The following AFF2 variants were observed in gnomAD, a reference collection of about 807,000 sequenced individuals.
The protein encoded by AFF2 is ALF transcription elongation factor 2, also known as AF4/FMR2 family member 2.
AFF2 carries 14 observed loss-of-function variants against 76.9 expected under a neutral mutation model. The observed-to-expected ratio is 0.18, with a 90% CI of 0.12 to 0.28. The LOEUF is 0.28. AFF2 is among the 10% of genes least tolerant of loss of function. The pLI is 1.00. For missense variants in AFF2, 868 were observed against 1,001.1 expected (o/e 0.87, Z 1.79); for synonymous variants, 398 against 366.7 (o/e 1.09, Z -0.98).
intron 1 of AFF2, among the ~76,000 whole-genome samples, chrX:148,590,392 G>A (rs2053512273): frequency 9.0e-6 from 1 of 111,264 alleles, no homozygotes; most frequent in South Asian, 3.9e-4. Context: ...CACCTACCTA[G>A]ACCTTGCTTC....
At chrX:148,952,469 CAT>C (rs1460796847) in intron 9 of AFF2, among the ~76,000 whole-genome samples, 6 of 111,624 alleles carry the variant, frequency 5.4e-5, no homozygotes, top group Non-Finnish European at 1.1e-4. Flanking sequence ...CTCCCCTCCC[CAT>C]GAGCTAAACT....
At chrX:148,747,149 G>A in intron 3 of AFF2, among the ~76,000 whole-genome samples, 1 of 111,593 alleles carries the variant, frequency 9.0e-6, no homozygotes, top group East Asian at 2.8e-4. Context: ...GACTCCTCAT[G>A]AACTCCTATT....
chrX:148,948,200 T>C (rs1557286291), intron 9 of AFF2, among the ~76,000 whole-genome samples: 1 of 112,179 alleles, frequency 8.9e-6, no homozygotes, highest in Non-Finnish European at 1.9e-5. Flanking sequence ...TTAATCTGAA[T>C]TAGTAAAAAG....
intron 3 of AFF2, among the ~76,000 whole-genome samples, chrX:148,707,534 G>A (rs1470719641): frequency 1.8e-5 from 2 of 109,292 alleles, no homozygotes; most frequent in East Asian, 2.9e-4. Flanking sequence ...GGGAAGGAAG[G>A]TGGTTTACAT....
chrX:148,977,695 A>C (rs1243850626), intron 16 of AFF2, among the ~76,000 whole-genome samples: 1 of 109,290 alleles, frequency 9.1e-6, no homozygotes, highest in Non-Finnish European at 1.9e-5. Context: ...AAGGCTCATG[A>C]TTTCACTGCT....
At chrX:148,544,317 T>C (rs1203246130) in intron 1 of AFF2, among the ~76,000 whole-genome samples, 3 of 112,575 alleles carry the variant, frequency 2.7e-5, no homozygotes, top group Non-Finnish European at 5.6e-5. Flanking sequence ...CTTTCCTATA[T>C]ACCCATGACT....
intron 20 of AFF2, 148 bp downstream of exon 20, chrX:148,987,705 G>A (rs1557291772): frequency 2.0e-6 from 1 of 488,269 alleles, no homozygotes; most frequent in African/African-American, 2.4e-5. Flanking sequence ...GTTCGCTCAG[G>A]GCTGACACAG....
chrX:148,581,221 A>ATACGTATACACAC (rs1557244664), intron 1 of AFF2, among the ~76,000 whole-genome samples: 7 of 22,313 alleles, frequency 3.1e-4, no homozygotes, highest in African/African-American at 1.5e-3. Context: ...ACACATATAT[A>ATACGTATACACAC]ATATACGTAT....
chrX:148,652,989 A>G (rs2054216961), intron 2 of AFF2, among the ~76,000 whole-genome samples: 1 of 112,036 alleles, frequency 8.9e-6, no homozygotes, highest in Non-Finnish European at 1.9e-5. Flanking sequence ...CCTTTAAGGG[A>G]CAGTGACTTC....
intron 9 of AFF2, among the ~76,000 whole-genome samples, chrX:148,939,988 C>T (rs1402662905): frequency 2.7e-5 from 3 of 112,000 alleles, no homozygotes; most frequent in Non-Finnish European, 3.8e-5. Flanking sequence ...AACATTTTGG[C>T]ATATAACCTT....
intron 1 of AFF2, among the ~76,000 whole-genome samples, chrX:148,628,109 G>T (rs1285826418): frequency 9.0e-6 from 1 of 111,348 alleles, no homozygotes; most frequent in Admixed American, 9.5e-5. Flanking sequence ...TTCAGAGCTG[G>T]TGAGGCCCAT....
At chrX:148,794,624 T>A (rs1376973483) in intron 3 of AFF2, among the ~76,000 whole-genome samples, 1 of 112,197 alleles carries the variant, frequency 8.9e-6, no homozygotes, top group Non-Finnish European at 1.9e-5. Flanking sequence ...AAGATCTTCT[T>A]CACTTTCAAG....
Position 148,739,082 on chromosome X carries a change from C to T in AFF2, c.1042-70794C>T, listed in dbSNP as rs2055319682. Among the ~76,000 whole-genome samples, 3 of 111,602 alleles carry T rather than the reference C, an allele frequency of 2.7e-5. No homozygotes were observed. The South Asian group carries it at 1.1e-3, about 42-fold the overall frequency. ...CTTCCATGCACTGTTGAATAGAATG[C>T]GTATTCTACAGTTGTTGGATGAAAT... On this transcript the variant is annotated intron_variant, in intron 3 of 20. Transcript: ENST00000370460.
intron 3 of AFF2, among the ~76,000 whole-genome samples, chrX:148,787,950 T>C (rs2069843867): frequency 8.9e-6 from 1 of 112,440 alleles, no homozygotes; most frequent in African/African-American, 3.2e-5. Flanking sequence ...TTTCTCAGTA[T>C]CTTGCCCTTC....
chrX:148,955,833 C>A lies in AFF2; in HGVS notation c.1788C>A (p.Ala596=), dbSNP rs149492076. The change falls in exon 11 of 21, where the codon GCC becomes GCA. Residue 596 remains alanine, a synonymous_variant. Transcript: ENST00000370460. ...RPLLSLIREK[A]RPRPTQKIPE... ...TCCTCAGTCTCATTAGGGAGAAAGCCCGTCCACGGCCCACTCAGAAAATTC... is the reference window on the plus strand; with the variant it reads ...TCCTCAGTCTCATTAGGGAGAAAGCACGTCCACGGCCCACTCAGAAAATTC... 1.9e-3 allele frequency: 2,273 copies of A among 1,209,561 alleles called. 1 individual carries two copies. The highest frequency in any genetic ancestry group is 2.4e-3 in the Non-Finnish European group (2,178 of 895,145).
At chrX:148,990,556 G>A (rs139852683) in intron 20 of AFF2, among the ~76,000 whole-genome samples, 19 of 112,614 alleles carry the variant, frequency 1.7e-4, no homozygotes, top group African/African-American at 6.1e-4. Context: ...TGTAGCCTCA[G>A]GGCTGCCCCC....
At chrX:148,734,609 G>C (rs1051885363) in intron 3 of AFF2, among the ~76,000 whole-genome samples, 8 of 111,487 alleles carry the variant, frequency 7.2e-5, no homozygotes, top group Non-Finnish European at 1.5e-4. Flanking sequence ...GTTTGTCTTA[G>C]GCTAACCAGT....
chrX:148,655,007 G>T (rs1340923689), intron 2 of AFF2, among the ~76,000 whole-genome samples: 1 of 111,266 alleles, frequency 9.0e-6, no homozygotes, highest in African/African-American at 3.3e-5. Context: ...AAGTCACGAT[G>T]AATTGATGGT....
At chrX:148,578,727 G>A (rs1269852482) in intron 1 of AFF2, among the ~76,000 whole-genome samples, 1 of 111,737 alleles carries the variant, frequency 8.9e-6, no homozygotes, top group African/African-American at 3.3e-5. Context: ...GGGATACTTG[G>A]AGACATATCT....
Sources: gnomAD v4.1 joint callset for allele counts (sites outside exome capture counted in the v4.1 genomes callset) on GRCh38, gnomAD v4.1.1 for gene constraint, MANE v1.5 for transcripts, NCBI Gene and HGNC (gene_info 2026-07-23, HGNC 2026-07-21) for gene names.